Variants in TMEM117 observed in about 807,000 individuals in gnomAD.
TMEM117 encodes the protein transmembrane protein 117.
Under a neutral mutation model 52.4 loss-of-function variants are expected in TMEM117, and 27 were observed. That is an observed-to-expected ratio of 0.51 (90% CI 0.38 to 0.71). TMEM117 has a LOEUF of 0.71. Ranked by LOEUF, TMEM117 falls within the 30% of genes least tolerant of loss-of-function variation. TMEM117 has a pLI of 0.00. For synonymous variants in TMEM117, 215 were observed against 206.3 expected (o/e 1.04, Z -0.36); for missense variants, 556 against 630.5 (o/e 0.88, Z 1.26).
At chr12:44,376,470 A>T (rs1052204912) in intron 6 of TMEM117, 125 bp from the exon 7 acceptor site, 3 of 1,132,448 alleles carry the variant, frequency 2.6e-6, no homozygotes, top group East Asian at 2.4e-5. Context: ...TGAAACTGAT[A>T]TATCCAACAG....
upstream of TMEM117, chr12:43,835,957 C>A (rs1207433216): frequency 2.0e-5 from 3 of 151,610 alleles, no homozygotes; most frequent in African/African-American, 7.3e-5. Flanking sequence ...TTGCCCGGCC[C>A]GCGGCCGCGG....
intron 6 of TMEM117, among the ~76,000 whole-genome samples, chr12:44,358,591 T>G (rs1311057290): frequency 6.6e-6 from 1 of 152,152 alleles, no homozygotes; most frequent in African/African-American, 2.4e-5. Flanking sequence ...CTCTGTAAGT[T>G]TATCTTCCAT....
intron 6 of TMEM117, among the ~76,000 whole-genome samples, chr12:44,307,952 A>C (rs1950924227): frequency 6.6e-6 from 1 of 152,226 alleles, no homozygotes; most frequent in East Asian, 1.9e-4. Context: ...TGAAAATGAA[A>C]CTAATGGTCT....
chr12:43,836,501 C>G (rs1372219914), intron 1 of TMEM117, among the ~76,000 whole-genome samples: 1 of 152,140 alleles, frequency 6.6e-6, no homozygotes, highest in South Asian at 2.1e-4. Flanking sequence ...TCCTCAAACT[C>G]CCGGCTCCAG....
chr12:44,098,389 A>G (rs546300695), intron 3 of TMEM117, among the ~76,000 whole-genome samples: 35 of 151,876 alleles, frequency 2.3e-4, no homozygotes, highest in African/African-American at 8.0e-4. Context: ...TTTGCCTATT[A>G]TTACAGACTT....
intron 2 of TMEM117, among the ~76,000 whole-genome samples, chr12:43,935,447 T>C (rs1212163273): frequency 2.0e-5 from 3 of 152,202 alleles, no homozygotes; most frequent in Non-Finnish European, 4.4e-5. Flanking sequence ...TATTCTAATA[T>C]TTAAAATGTT....
intron 3 of TMEM117, among the ~76,000 whole-genome samples, chr12:44,022,626 A>C (rs1196272041): frequency 2.0e-5 from 3 of 152,176 alleles, no homozygotes; most frequent in East Asian, 3.9e-4. Context: ...GATGATGTTG[A>C]GGAGGGGGTG....
At chr12:44,295,611 T>C (rs1457880033) in intron 5 of TMEM117, among the ~76,000 whole-genome samples, 1 of 152,170 alleles carries the variant, frequency 6.6e-6, no homozygotes, top group East Asian at 1.9e-4. Flanking sequence ...CATGATTAAA[T>C]ATGATATTGT....
At chr12:44,030,901 G>GT (rs151082229) in intron 3 of TMEM117, among the ~76,000 whole-genome samples, 24,396 of 152,142 alleles carry the variant, frequency 0.16, 2,955 homozygotes, top group African/African-American at 0.34. Flanking sequence ...CAGTTTTTCT[G>GT]TTATTGAATT....
intron 5 of TMEM117, among the ~76,000 whole-genome samples, chr12:44,222,480 A>G (rs1949801651): frequency 6.6e-6 from 1 of 152,188 alleles, no homozygotes; most frequent in Non-Finnish European, 1.5e-5. Flanking sequence ...CTTGGGCTAC[A>G]GTCAGAGAAG....
intron 5 of TMEM117, among the ~76,000 whole-genome samples, chr12:44,275,408 A>G (rs2138579289): frequency 6.6e-6 from 1 of 152,264 alleles, no homozygotes; most frequent in South Asian, 2.1e-4. Flanking sequence ...AAAACTAAAA[A>G]TAGAGCTACC....
intron 3 of TMEM117, among the ~76,000 whole-genome samples, chr12:44,017,252 T>TGTGTGTGTGTGTGTGTGTGTG (rs1565793575): frequency 1.3e-5 from 2 of 151,690 alleles, no homozygotes; most frequent in Non-Finnish European, 2.9e-5. Context: ...TGTGTGTGTG[T>TGTGTGTGTGTGTGTGTGTGTG]TTTAGGTGAT....
intron 3 of TMEM117, among the ~76,000 whole-genome samples, chr12:44,133,524 G>A (rs943652608): frequency 6.6e-6 from 1 of 151,724 alleles, no homozygotes; most frequent in Non-Finnish European, 1.5e-5. Context: ...TTTTTTGACC[G>A]TGGTCTGATA....
At chr12:44,315,694 T>C (rs2138684050) in intron 6 of TMEM117, among the ~76,000 whole-genome samples, 1 of 152,264 alleles carries the variant, frequency 6.6e-6, no homozygotes, top group Non-Finnish European at 1.5e-5. Context: ...GGCTAAGGCT[T>C]TTCATAGATA....
At chr12:44,303,741 G>T (rs1415827214) in intron 6 of TMEM117, among the ~76,000 whole-genome samples, 2 of 152,070 alleles carry the variant, frequency 1.3e-5, no homozygotes, top group African/African-American at 4.8e-5. Flanking sequence ...ATAAGTATTT[G>T]ACTTGTAGCA....
chr12:44,338,425 A>G (rs1951371132), intron 6 of TMEM117, among the ~76,000 whole-genome samples: 1 of 152,104 alleles, frequency 6.6e-6, no homozygotes, highest in Non-Finnish European at 1.5e-5. Context: ...AGGTATAGGT[A>G]ATACACTGCA....
At chr12:44,165,130 A>C (rs539996047) in intron 4 of TMEM117, among the ~76,000 whole-genome samples, 19 of 152,162 alleles carry the variant, frequency 1.2e-4, no homozygotes, top group Admixed American at 2.6e-4. Context: ...TCTACTCTCT[A>C]CCTTCATGAG....
chr12:43,959,667 A>G (rs1360826272), intron 3 of TMEM117, among the ~76,000 whole-genome samples: 1 of 152,098 alleles, frequency 6.6e-6, no homozygotes, highest in African/African-American at 2.4e-5. Flanking sequence ...CATTGTTTAC[A>G]CCGGTAGCTT....
chr12:44,210,559 A>G (rs1949632015), intron 4 of TMEM117, among the ~76,000 whole-genome samples: 1 of 152,200 alleles, frequency 6.6e-6, no homozygotes, highest in Non-Finnish European at 1.5e-5. Context: ...TTCACTGGCA[A>G]GGATTTCAAA....
Sources: gnomAD v4.1 joint callset for allele counts (sites outside exome capture counted in the v4.1 genomes callset) on GRCh38, gnomAD v4.1.1 for gene constraint, MANE v1.5 for transcripts, NCBI Gene and HGNC (gene_info 2026-07-23, HGNC 2026-07-21) for gene names.